Variants in UNC119B observed in about 807,000 individuals in gnomAD.
UNC119B encodes unc-119 lipid binding chaperone B, also known as protein unc-119 homolog B.
UNC119B carries 16 observed loss-of-function variants against 23.4 expected under a neutral mutation model. The ratio of observed to expected loss-of-function variants is 0.68; its 90% CI spans 0.46 to 1.04. The LOEUF is 1.04. Among genes scored for constraint, UNC119B ranks in the 50% least tolerant of loss-of-function variants. UNC119B has a pLI of 0.00. For missense variants in UNC119B, 350 were observed against 361.3 expected (o/e 0.97, Z 0.25); for synonymous variants, 144 against 145.4 (o/e 0.99, Z 0.07).
At chr12:120,719,056 G>C (rs2136932783) in intron 4 of UNC119B, among the ~76,000 whole-genome samples, 1 of 152,324 alleles carries the variant, frequency 6.6e-6, no homozygotes, top group African/African-American at 2.4e-5. Context: ...AGTAGTTTTG[G>C]CATTGGTGGG....
chr12:120,718,613 C>T (rs1592928680), intron 4 of UNC119B, among the ~76,000 whole-genome samples: 1 of 152,096 alleles, frequency 6.6e-6, no homozygotes, highest in Non-Finnish European at 1.5e-5. Flanking sequence ...GGGGACCAAA[C>T]GAGAGAGAAA....
intron 2 of UNC119B, among the ~76,000 whole-genome samples, chr12:120,714,742 T>C (rs1882736494): frequency 6.7e-6 from 1 of 148,290 alleles, no homozygotes; most frequent in South Asian, 2.2e-4. Flanking sequence ...CCAGGCCTAC[T>C]ACAGGTATGT....
chr12:120,720,546 A>G lies in UNC119B; in HGVS notation c.*514A>G, dbSNP rs988633587. Reference sequence around the variant, plus strand: ...TGAAGTCTTAAACCAACTGGAAGACACTTGAAAGGGTGGGGAGGGAGGGAG... The same window carrying G: ...TGAAGTCTTAAACCAACTGGAAGACGCTTGAAAGGGTGGGGAGGGAGGGAG... On this transcript the variant is annotated 3_prime_UTR_variant, in exon 5 of 5. Coordinates refer to ENST00000344651, the MANE Select transcript of UNC119B (RefSeq NM_001080533.3). 5.9e-5 allele frequency: 9 copies of G among 152,622 alleles called. No individual in the cohort carries two copies. The highest frequency in any genetic ancestry group is 2.2e-4 in the African/African-American group (9 of 41,382). 9.5% of individuals were successfully genotyped at this position (152,622 alleles called of 1,614,324 possible).
chr12:120,717,524 TG>T (rs1882807427), intron 4 of UNC119B, among the ~76,000 whole-genome samples: 1 of 151,786 alleles, frequency 6.6e-6, no homozygotes, highest in South Asian at 2.1e-4. Context: ...CCCACAATGC[TG>T]GGATTACAGG....
At position 120,710,677 on chromosome 12, in the gene UNC119B, T is replaced by G; in HGVS notation, c.203T>G (p.Ile68Ser). The G allele has an allele frequency of 6.9e-7, 1 of 1,448,774 alleles. No homozygotes were observed. The highest frequency in any genetic ancestry group is 9.0e-7 in the Non-Finnish European group (1 of 1,105,576). 89.7% of individuals were successfully genotyped at this position (1,448,774 alleles called of 1,614,324 possible). A position where few individuals can be genotyped will look rare whatever the true frequency, so the allele number is the denominator to read the frequency against. Residue 68 changes from isoleucine to serine, a missense_variant, in exon 1 of 5, where the codon ATC (isoleucine) becomes AGC (serine). By Grantham distance (142) the Ile-to-Ser change is moderately radical. Coordinates refer to ENST00000344651, the MANE Select transcript of UNC119B (RefSeq NM_001080533.3). ...TEQELLALDTIRPEHVLRLSR... is the reference protein window; with the variant it reads ...TEQELLALDTSRPEHVLRLSR... Reference sequence around the variant, plus strand: ...CAGGAGCTGCTGGCGCTGGACACCATCCGGCCCGAGCACGTCCTGCGCCTC... The same window carrying G: ...CAGGAGCTGCTGGCGCTGGACACCAGCCGGCCCGAGCACGTCCTGCGCCTC...
rs145896187 is a variant in UNC119B at position 120,712,487 on chromosome 12, G to A, written c.245-787G>A. ...TGTGATTAGAATTATTTCAATTTGC[G>A]GCTCATGTTCTAGTCACTTGGGCCT... On this transcript the variant is annotated intron_variant, in intron 1 of 4. Coordinates refer to ENST00000344651, the MANE Select transcript of UNC119B (RefSeq NM_001080533.3). Among the ~76,000 whole-genome samples, 227 of 152,254 alleles carry A rather than the reference G, an allele frequency of 1.5e-3. 1 individual carries two copies. The highest frequency in any genetic ancestry group is 5.3e-3 in the African/African-American group (220 of 41,550).
chr12:120,710,989 A>C (rs938508857), intron 1 of UNC119B: 1 of 291,276 alleles, frequency 3.4e-6, no homozygotes, highest in African/African-American at 2.2e-5. Context: ...GCTCTGCCGG[A>C]CCTGTTTGGG....
rs1882889392 is a variant in UNC119B, at chr12:120,721,087, C to T, written c.*1055C>T. 1 of 152,172 alleles carries T rather than the reference C, an allele frequency of 6.6e-6. No individual in the cohort carries two copies. The highest frequency in any genetic ancestry group is 1.5e-5 in the Non-Finnish European group (1 of 68,036). The allele number at this position is 152,172 out of a possible 1,614,324, so 9.4% of individuals were successfully genotyped here. On this transcript the variant is annotated 3_prime_UTR_variant, in exon 5 of 5. Transcript: ENST00000344651. Reference sequence around the variant, plus strand: ...TTTTGATGGGGATTTGCCTCCGAAGCTCTTTGTACATTTCTTGTTTAGGAG... The same window carrying T: ...TTTTGATGGGGATTTGCCTCCGAAGTTCTTTGTACATTTCTTGTTTAGGAG...
At chr12:120,719,398 G>A (rs1882843673) in intron 4 of UNC119B, among the ~76,000 whole-genome samples, 1 of 152,176 alleles carries the variant, frequency 6.6e-6, no homozygotes, top group South Asian at 2.1e-4. Flanking sequence ...GAAGGTCTCC[G>A]GAGAAGGCTC....
chr12:120,717,053 C>T lies in UNC119B; in HGVS notation c.643+11C>T. On this transcript the variant is annotated intron_variant, in intron 4 of 4. Coordinates refer to ENST00000344651, the MANE Select transcript of UNC119B (RefSeq NM_001080533.3). ...TTTCGGAGGATGTCAGTATGTATCC[C>T]CTGACCCTTACAGCACTCTAGATTC... The T allele has an allele frequency of 6.4e-7, 1 of 1,570,818 alleles. No homozygotes were observed.
rs756572243 is a variant in UNC119B at position 120,719,945 on chromosome 12, C to T, written c.669C>T (p.Tyr223=). Residue 223 remains tyrosine (Y), a synonymous_variant, in exon 5 of 5, where the codon TAC becomes TAT. Transcript: ENST00000344651. ...TTCGTCTAATGATTGAAAATCCTTA[C>T]GAGACCCGCTCTGACAGCTTCTACT... ...DVIRLMIENP[Y]ETRSDSFYFV... 6.2e-6 allele frequency: 10 copies of T among 1,614,002 alleles called. No homozygotes were observed. The highest frequency in any genetic ancestry group is 4.5e-5 in the East Asian group (2 of 44,898).
chr12:120,717,099 C>T, intron 4 of UNC119B, 57 bp downstream of exon 4: 2 of 1,496,312 alleles, frequency 1.3e-6, no homozygotes, highest in South Asian at 2.7e-5. Context: ...AAGGAACAAA[C>T]CTTGAAACCC....
At chr12:120,710,963 GC>G (rs1882652204) in intron 1 of UNC119B, 2 of 329,304 alleles carry the variant, frequency 6.1e-6, no homozygotes, top group Non-Finnish European at 1.1e-5. Flanking sequence ...ATGCCCTTCG[GC>G]CGGTCGGCTC....
rs761402594 is a variant in UNC119B, at chr12:120,713,376, C to G, written c.347C>G (p.Pro116Arg). 6.2e-7 allele frequency: 1 copy of G among 1,613,808 alleles called. No individual in the cohort carries two copies. Among genetic ancestry groups the G allele is most frequent in the Non-Finnish European group, 8.5e-7 (1 of 1,179,754 alleles). ...TGTVLFEIAK[P>R]CVSDQEEDEE... The stretch of plus-strand genomic sequence containing the variant: ...ACAGTACTTTTTGAGATTGCCAAAC[C>G]TTGCGTTTCAGGTAGGCCTCTACGT... Residue 116 changes from proline (P) to arginine (R), a missense_variant, in exon 2 of 5, where the codon CCT becomes CGT. Pro to Arg is a moderately radical substitution (Grantham distance 103). Transcript: ENST00000344651.
At chr12:120,719,785 T>G in intron 4 of UNC119B, 135 bp from the exon 5 acceptor site, 1 of 640,502 alleles carries the variant, frequency 1.6e-6, no homozygotes, top group Non-Finnish European at 2.8e-6. Flanking sequence ...TCTGACCTCA[T>G]CGTTATTCTG....
rs779329040 is a variant in UNC119B at position 120,720,045 on chromosome 12, T to C, written c.*13T>C. On this transcript the variant is annotated 3_prime_UTR_variant, in exon 5 of 5. Transcript: ENST00000344651. ...TGGAGGCCAGTAAGTGCTGCAAGAG[T>C]AGATAGGGGAGGTGCTTTGCCGCGG... 2.8e-5 allele frequency: 45 copies of C among 1,590,276 alleles called. No individual in the cohort carries two copies. The highest frequency in any genetic ancestry group is 3.6e-5 in the Non-Finnish European group (42 of 1,160,386).
intron 1 of UNC119B, among the ~76,000 whole-genome samples, chr12:120,712,891 A>T (rs1462153470): frequency 1.3e-5 from 2 of 152,242 alleles, no homozygotes; most frequent in African/African-American, 2.4e-5. Context: ...AACGTTGGCA[A>T]ACTAGCACTG....
rs1194799174 is a variant in UNC119B at position 120,722,281 on chromosome 12, A to C, written c.*2249A>C. On this transcript the variant is annotated 3_prime_UTR_variant, in exon 5 of 5. Transcript: ENST00000344651. ...ACCATTTGCGGATAGTGCTTGGTCC[A>C]TGCCCAGCAGGACAGGGCTTTGCTG... 3.3e-5 allele frequency: 5 copies of C among 152,320 alleles called. No individual in the cohort carries two copies. The highest frequency in any genetic ancestry group is 3.3e-4 in the Admixed American group (5 of 15,280). The allele number at this position is 152,320 out of a possible 1,614,324, so 9.4% of individuals were successfully genotyped here.
At chr12:120,718,485 T>G (rs904349448) in intron 4 of UNC119B, among the ~76,000 whole-genome samples, 8 of 152,164 alleles carry the variant, frequency 5.3e-5, no homozygotes, top group African/African-American at 1.9e-4. Flanking sequence ...ATGGGGCTGT[T>G]GTAGATTTTG....
Sources: gnomAD v4.1 joint callset for allele counts (sites outside exome capture counted in the v4.1 genomes callset) on GRCh38, gnomAD v4.1.1 for gene constraint, MANE v1.5 for transcripts, NCBI Gene and HGNC (gene_info 2026-07-23, HGNC 2026-07-21) for gene names.